CNOT4: variants seen among roughly 807,000 people sequenced by gnomAD.
CNOT4 encodes CCR4-associated factor 4.
A neutral mutation model predicts 73.8 loss-of-function variants in CNOT4; 8 were observed. That is an observed-to-expected ratio of 0.11 (90% confidence interval 0.06 to 0.20). The LOEUF (loss-of-function observed/expected upper bound fraction) is 0.20, where lower values mean the gene tolerates loss of function less well. Among genes scored for constraint, CNOT4 ranks in the 10% least tolerant of loss-of-function variants. The probability of loss-of-function intolerance (pLI) is 1.00; values close to 1 mark genes in which losing one functional copy is unlikely to be tolerated. For missense variants in CNOT4, 564 were observed against 883.4 expected (o/e 0.64, Z 4.58); for synonymous variants, 293 against 321.1 (o/e 0.91, Z 0.94).
chr7:135,426,858 G>C (rs1798535416), intron 2 of CNOT4, among the ~76,000 whole-genome samples: 1 of 151,138 alleles, frequency 6.6e-6, no homozygotes, highest in African/African-American at 2.4e-5. Flanking sequence ...GGGAGATGGA[G>C]GTTGCAGTGA....
chr7:135,489,623 T>C (rs1732285502), intron 1 of CNOT4, among the ~76,000 whole-genome samples: 3 of 152,162 alleles, frequency 2.0e-5, no homozygotes, highest in South Asian at 2.1e-4. Flanking sequence ...CTTGAACTCC[T>C]GACCTCGTGT....
intron 1 of CNOT4, among the ~76,000 whole-genome samples, chr7:135,486,247 A>C (rs1462549709): frequency 6.6e-6 from 1 of 152,254 alleles, no homozygotes; most frequent in Non-Finnish European, 1.5e-5. Context: ...TGGACAAAAG[A>C]CACAAACAGA....
intron 10 of CNOT4, among the ~76,000 whole-genome samples, chr7:135,376,222 G>A (rs965076309): frequency 1.3e-5 from 2 of 152,088 alleles, no homozygotes; most frequent in Non-Finnish European, 2.9e-5. Context: ...GCAGGCCTCC[G>A]AATTGACACC....
rs1585683580 is a variant in CNOT4 at position 135,463,579 on chromosome 7, G to C, written c.-92-25156C>G. ...AAAAAAAACCAACCAACCAACCACC[G>C]TGGAAGACAACCTAGACAAATACCA... On this transcript the variant is annotated intron_variant, in intron 1 of 11. Transcript: ENST00000541284. Among the ~76,000 whole-genome samples, 4 of 136,564 alleles carry C rather than the reference G, an allele frequency of 2.9e-5. 1 individual carries two copies. Among genetic ancestry groups the C allele is most frequent in the African/African-American group, 1.1e-4 (4 of 37,092 alleles). 89.6% of individuals were successfully genotyped at this position (136,564 alleles called of 152,430 possible). A position where few individuals can be genotyped will look rare whatever the true frequency, so the allele number is the denominator to read the frequency against.
intron 1 of CNOT4, among the ~76,000 whole-genome samples, chr7:135,497,308 C>CT (rs1451597642): frequency 6.6e-6 from 1 of 152,060 alleles, no homozygotes; most frequent in Non-Finnish European, 1.5e-5. Flanking sequence ...ACTCAAGAGG[C>CT]TAAGGTAGGA....
chr7:135,432,941 C>A lies in CNOT4; in HGVS notation c.174+5217G>T, dbSNP rs142367723. Among the ~76,000 whole-genome samples, 656 of 152,286 alleles carry A rather than the reference C, an allele frequency of 4.3e-3. 4 individuals are homozygous for A. The highest frequency in any genetic ancestry group is 0.015 in the African/African-American group (620 of 41,552). The stretch of plus-strand genomic sequence containing the variant: ...GATCTGCTATTTTCCTCTGTGGAAG[C>A]TTGTAGAACTTCTTTGTCTTTGGTA... On this transcript the variant is annotated intron_variant, in intron 2 of 11. Coordinates refer to ENST00000541284, the MANE Select transcript of CNOT4 (RefSeq NM_001190850.2).
At position 135,458,251 on chromosome 7, in the gene CNOT4, G is replaced by A. The variant is rs1017607368; in HGVS notation, c.-92-19828C>T. Among the ~76,000 whole-genome samples the A allele has an allele frequency of 5.9e-5, 9 of 152,154 alleles. No individual in the cohort carries two copies. In the East Asian group the frequency reaches 9.6e-4, roughly 16 times the overall value. ...ACTGTAGTATATCACATATGCAATA[G>A]CATTATATCTAGAAAACAATGTATA... On this transcript the variant is annotated intron_variant, in intron 1 of 11. Coordinates refer to ENST00000541284, the MANE Select transcript of CNOT4 (RefSeq NM_001190850.2).
intron 1 of CNOT4, among the ~76,000 whole-genome samples, chr7:135,484,022 C>T (rs759006248): frequency 5.9e-5 from 9 of 151,930 alleles, no homozygotes; most frequent in East Asian, 3.9e-4. Flanking sequence ...GGTAGAACCC[C>T]GTCTCTACTA....
chr7:135,433,142 T>A (rs1244053070), intron 2 of CNOT4, among the ~76,000 whole-genome samples: 1 of 152,136 alleles, frequency 6.6e-6, no homozygotes, highest in Admixed American at 6.5e-5. Flanking sequence ...GAGCACTTAA[T>A]TGTTTGGTAT....
At chr7:135,429,770 A>C (rs1477434254) in intron 2 of CNOT4, among the ~76,000 whole-genome samples, 2 of 152,236 alleles carry the variant, frequency 1.3e-5, no homozygotes, top group Non-Finnish European at 2.9e-5. Context: ...AGAAACAGGC[A>C]ATGAACAGCA....
intron 10 of CNOT4, among the ~76,000 whole-genome samples, chr7:135,378,434 G>C (rs1242755479): frequency 1.3e-5 from 2 of 151,998 alleles, no homozygotes; most frequent in Non-Finnish European, 2.9e-5. Context: ...AACCTGGGAG[G>C]CAGAGGCTGC....
chr7:135,420,576 CCAAAAAAAAAAAAA>C (rs1798131660), intron 3 of CNOT4, among the ~76,000 whole-genome samples: 1 of 61,466 alleles, frequency 1.6e-5, no homozygotes, highest in Admixed American at 2.0e-4. Flanking sequence ...GACCATGTCT[CCAAAAAAAAAAAAA>C]AAAAAAAAAG....
chr7:135,505,832 T>C (rs563310987), intron 1 of CNOT4, among the ~76,000 whole-genome samples: 1 of 152,156 alleles, frequency 6.6e-6, no homozygotes, highest in African/African-American at 2.4e-5. Context: ...AAAAAAGAAA[T>C]GTGTCACAGA....
intron 1 of CNOT4, among the ~76,000 whole-genome samples, chr7:135,488,575 T>A (rs189019379): frequency 6.6e-6 from 1 of 152,208 alleles, no homozygotes. Flanking sequence ...TTTATAAAAA[T>A]GTACAAAATG....
chr7:135,467,110 G>A (rs1168235325), intron 1 of CNOT4, among the ~76,000 whole-genome samples: 2 of 152,032 alleles, frequency 1.3e-5, no homozygotes, highest in Admixed American at 6.6e-5. Flanking sequence ...TTTTTAAAAC[G>A]AAAGATCCTA....
At chr7:135,503,722 T>C (rs115198003) in intron 1 of CNOT4, among the ~76,000 whole-genome samples, 2,403 of 152,270 alleles carry the variant, frequency 0.016, 68 homozygotes, top group African/African-American at 0.055. Context: ...AAAGATTTAA[T>C]GCAGAATCCT....
At chr7:135,446,671 CTG>C (rs1799851815) in intron 1 of CNOT4, among the ~76,000 whole-genome samples, 1 of 151,868 alleles carries the variant, frequency 6.6e-6, no homozygotes, top group African/African-American at 2.4e-5. Context: ...TATATATACA[CTG>C]TAATTATACA....
chr7:135,387,701 C>T (rs1013765823), intron 10 of CNOT4: 3 of 984,868 alleles, frequency 3.0e-6, no homozygotes, highest in African/African-American at 1.7e-5. Context: ...CTGCTCCAAA[C>T]TAAGTACAGT....
At chr7:135,491,627 A>G (rs1803117499) in intron 1 of CNOT4, among the ~76,000 whole-genome samples, 1 of 152,238 alleles carries the variant, frequency 6.6e-6, no homozygotes, top group Admixed American at 6.5e-5. Context: ...AAGAGAGAAC[A>G]TGAGAAAGAA....
Sources: allele counts gnomAD v4.1 joint callset (sites outside exome capture counted in the v4.1 genomes callset), GRCh38; gene constraint gnomAD v4.1.1; transcripts MANE v1.5; gene names NCBI Gene and HGNC (gene_info 2026-07-23, HGNC 2026-07-21).